Variants in ZNF626 observed in about 807,000 individuals in gnomAD.
The protein encoded by ZNF626 is zinc finger protein 626.
Under a neutral mutation model 11.7 loss-of-function variants are expected in ZNF626, and 4 were observed. The observed-to-expected ratio is 0.34, with a 90% CI of 0.17 to 0.78. ZNF626 has a LOEUF of 0.78. Ranked by LOEUF, ZNF626 falls within the 30% of genes least tolerant of loss-of-function variation. The probability of loss-of-function intolerance (pLI) is 0.57; values close to 1 mark genes in which losing one functional copy is unlikely to be tolerated. For missense variants in ZNF626, 588 were observed against 587.1 expected, an observed-to-expected ratio of 1.00 and a Z score of -0.01; for synonymous variants, 179 against 198.6, an observed-to-expected ratio of 0.90 and a Z score of 0.83.
chr19:20,630,934 C>A (rs1568456217), intron 3 of ZNF626, among the ~76,000 whole-genome samples: 1 of 151,744 alleles, frequency 6.6e-6, no homozygotes, highest in Non-Finnish European at 1.5e-5. Context: ...TCCCTCTACA[C>A]ACTGCTTTGA....
At chr19:20,658,758 A>C (rs1555773402) in intron 1 of ZNF626, among the ~76,000 whole-genome samples, 1 of 152,114 alleles carries the variant, frequency 6.6e-6, no homozygotes, top group Non-Finnish European at 1.5e-5. Flanking sequence ...CACCACCTAG[A>C]GACAGCACAG....
chr19:20,626,106 C>A (rs997688196), intron 3 of ZNF626, among the ~76,000 whole-genome samples: 1 of 151,810 alleles, frequency 6.6e-6, no homozygotes, highest in Non-Finnish European at 1.5e-5. Context: ...ACTAAAATTA[C>A]AAAAAATTAG....
chr19:20,636,715 A>G (rs1555770925), intron 3 of ZNF626, among the ~76,000 whole-genome samples: 2 of 152,218 alleles, frequency 1.3e-5, no homozygotes, highest in African/African-American at 2.4e-5. Context: ...CCATTGGCAC[A>G]GTCCTACAAG....
chr19:20,651,661 G>T (rs533633275), intron 1 of ZNF626, among the ~76,000 whole-genome samples: 60 of 152,270 alleles, frequency 3.9e-4, no homozygotes, highest in African/African-American at 1.4e-3. Flanking sequence ...ATGTCTCAAA[G>T]ACCACTAGAT....
rs1203988080 is a variant in ZNF626 at position 20,622,558 on chromosome 19, A to G, written c.*1732T>C. On this transcript the variant is annotated 3_prime_UTR_variant, in exon 4 of 4. Transcript: ENST00000601440. ...TACTTTCACGTGAATATAATAAAGTAACAGCATAATTTGAAAGCTGTATTA... is the reference window on the plus strand; with the variant it reads ...TACTTTCACGTGAATATAATAAAGTGACAGCATAATTTGAAAGCTGTATTA... 6.9e-6 allele frequency: 1 copy of G among 144,118 alleles called. No homozygotes were observed. The highest frequency in any genetic ancestry group is 1.5e-5 in the Non-Finnish European group (1 of 65,966). The allele number at this position is 144,118 out of a possible 1,614,324, so 8.9% of individuals were successfully genotyped here.
At chr19:20,632,893 G>A (rs562899864) in intron 3 of ZNF626, among the ~76,000 whole-genome samples, 193 of 152,214 alleles carry the variant, frequency 1.3e-3, no homozygotes, top group Middle Eastern at 3.4e-3. Context: ...TTTCTGCTCT[G>A]TTTTTTTCCC....
At chr19:20,632,392 T>G (rs535814956) in intron 3 of ZNF626, among the ~76,000 whole-genome samples, 92 of 152,346 alleles carry the variant, frequency 6.0e-4, no homozygotes, top group African/African-American at 2.1e-3. Flanking sequence ...CTTTCCAACT[T>G]GGTTCCATTC....
At chr19:20,659,297 T>C (rs1555773450) in intron 1 of ZNF626, among the ~76,000 whole-genome samples, 1 of 152,174 alleles carries the variant, frequency 6.6e-6, no homozygotes, top group African/African-American at 2.4e-5. Flanking sequence ...TGGAGTGCCT[T>C]GGCACCGTCT....
At chr19:20,627,178 AG>A (rs1969845937) in intron 3 of ZNF626, among the ~76,000 whole-genome samples, 1 of 152,188 alleles carries the variant, frequency 6.6e-6, no homozygotes, top group Non-Finnish European at 1.5e-5. Flanking sequence ...ATTTCTTAAA[AG>A]GAAAAATGAT....
At chr19:20,659,171 GAC>G (rs1555773434) in intron 1 of ZNF626, among the ~76,000 whole-genome samples, 2 of 152,084 alleles carry the variant, frequency 1.3e-5, no homozygotes, top group South Asian at 2.1e-4. Flanking sequence ...CACACAGCCA[GAC>G]ACACACTCTG....
At chr19:20,649,497 A>T (rs1487972406) in intron 1 of ZNF626, among the ~76,000 whole-genome samples, 1 of 152,038 alleles carries the variant, frequency 6.6e-6, no homozygotes. Context: ...GTGGAACTTA[A>T]CTCTCATGAA....
At chr19:20,658,088 A>C (rs782293055) in intron 1 of ZNF626, among the ~76,000 whole-genome samples, 5 of 151,976 alleles carry the variant, frequency 3.3e-5, no homozygotes, top group African/African-American at 4.8e-5. Flanking sequence ...GTGTACACCC[A>C]ACCAAAAATC....
rs1486565721 is a variant in ZNF626 at position 20,623,383 on chromosome 19, G to T, written c.*907C>A. The T allele has an allele frequency of 6.6e-6, 1 of 152,080 alleles. No homozygotes were observed. Among genetic ancestry groups the T allele is most frequent in the Non-Finnish European group, 1.5e-5 (1 of 68,030 alleles). The allele number at this position is 152,080 out of a possible 1,614,324, so 9.4% of individuals were successfully genotyped here. A position where few individuals can be genotyped will look rare whatever the true frequency, so the allele number is the denominator to read the frequency against. ...GTTTCACATTTTATATATTTCTAGG[G>T]TTTCACACTAGTATAAATTTTTTAT... On this transcript the variant is annotated 3_prime_UTR_variant, in exon 4 of 4. Coordinates refer to ENST00000601440, the MANE Select transcript of ZNF626 (RefSeq NM_001076675.3).
chr19:20,625,364 T>G lies in ZNF626; in HGVS notation c.513A>C (p.Lys171Asn), dbSNP rs189613514. The G allele has an allele frequency of 6.2e-7, 1 of 1,613,826 alleles. No individual in the cohort carries two copies. The highest frequency in any genetic ancestry group is 1.7e-5 in the Admixed American group (1 of 59,960). The change falls in exon 4 of 4, where the codon AAA becomes AAC. Residue 171 changes from lysine to asparagine, a missense_variant. By Grantham distance (94) the Lys-to-Asn change is moderately conservative. Transcript: ENST00000601440. ...NGQKRGHTGK[K>N]PFKYIECGKA... is the part of the protein sequence containing the mutation. ...TGCCACATTCTATATATTTGAAAGG[T>G]TTTTTCCCAGTATGTCCTCTCTTTT...
intron 3 of ZNF626, among the ~76,000 whole-genome samples, chr19:20,639,389 T>C (rs1226676242): frequency 1.3e-5 from 2 of 151,388 alleles, no homozygotes; most frequent in African/African-American, 4.9e-5. Flanking sequence ...TAATACAAAA[T>C]ATTCTTATTT....
Position 20,623,950 on chromosome 19 carries a change from T to A in ZNF626, c.*340A>T. On this transcript the variant is annotated 3_prime_UTR_variant, in exon 4 of 4. Coordinates refer to ENST00000601440, the MANE Select transcript of ZNF626 (RefSeq NM_001076675.3). ...ATTCTTTATATTTGTAGAGTTTATA[T>A]TTCATATCAATTCTTAGTTAGAAAT... is the stretch of plus-strand genomic sequence containing the variant. 2 of 352,648 alleles carry A rather than the reference T, an allele frequency of 5.7e-6. 1 individual carries two copies. Among genetic ancestry groups the A allele is most frequent in the Non-Finnish European group, 1.1e-5 (2 of 189,866 alleles). 21.8% of individuals were successfully genotyped at this position (352,648 alleles called of 1,614,324 possible). A position where few individuals can be genotyped will look rare whatever the true frequency, so the allele number is the denominator to read the frequency against.
Position 20,623,569 on chromosome 19 carries a change from T to G in ZNF626, c.*721A>C, listed in dbSNP as rs1421090111. ...ATTGCAACACTTTAGGAGGCTGAGG[T>G]GGGTGGATCATGTGAGGTCAGGGGT... On this transcript the variant is annotated 3_prime_UTR_variant, in exon 4 of 4. Transcript: ENST00000601440. 6.3e-6 allele frequency: 1 copy of G among 159,050 alleles called. No individual in the cohort carries two copies. Among genetic ancestry groups the G allele is most frequent in the Admixed American group, 6.0e-5 (1 of 16,798 alleles). 9.9% of individuals were successfully genotyped at this position (159,050 alleles called of 1,614,324 possible).
At chr19:20,627,142 T>C (rs1180579985) in intron 3 of ZNF626, among the ~76,000 whole-genome samples, 1 of 151,712 alleles carries the variant, frequency 6.6e-6, no homozygotes, top group South Asian at 2.1e-4. Context: ...ATTGTGGATA[T>C]AAAAAATGCA....
chr19:20,627,161 T>C (rs1599472239), intron 3 of ZNF626, among the ~76,000 whole-genome samples: 1 of 151,636 alleles, frequency 6.6e-6, no homozygotes, highest in African/African-American at 2.4e-5. Flanking sequence ...CAAAAAACAA[T>C]TGAAAAATTT....
Sources: allele counts gnomAD v4.1 joint callset (sites outside exome capture counted in the v4.1 genomes callset), GRCh38; gene constraint gnomAD v4.1.1; transcripts MANE v1.5; gene names NCBI Gene and HGNC (gene_info 2026-07-23, HGNC 2026-07-21).